Variants in FBXL17 observed in about 807,000 individuals in gnomAD.
FBXL17 encodes F-box/LRR-repeat protein 17.
In FBXL17, 22 loss-of-function variants were observed where a neutral mutation model predicts 66.2. The observed-to-expected ratio is 0.33, with a 90% CI of 0.24 to 0.47. The LOEUF (loss-of-function observed/expected upper bound fraction) is 0.47, where lower values mean the gene tolerates loss of function less well. Ranked by LOEUF, FBXL17 falls within the 20% of genes least tolerant of loss-of-function variation. The pLI is 1.00. For synonymous variants in FBXL17, 474 were observed against 400.5 expected (o/e 1.18, Z -2.19); for missense variants, 878 against 948.2 (o/e 0.93, Z 0.97).
intron 6 of FBXL17, among the ~76,000 whole-genome samples, chr5:108,180,381 C>T (rs1248899917): frequency 1.3e-5 from 2 of 151,954 alleles, no homozygotes; most frequent in East Asian, 3.9e-4. Context: ...CATGGTGGGG[C>T]TGTAAACCCA....
chr5:107,923,974 G>A (rs976316007), intron 7 of FBXL17, among the ~76,000 whole-genome samples: 1 of 151,788 alleles, frequency 6.6e-6, no homozygotes, highest in African/African-American at 2.4e-5. Context: ...TGAAGTGATG[G>A]CAATGTGGGG....
intron 7 of FBXL17, among the ~76,000 whole-genome samples, chr5:107,949,454 A>C (rs1751428163): frequency 6.6e-6 from 1 of 152,228 alleles, no homozygotes; most frequent in African/African-American, 2.4e-5. Flanking sequence ...AATATTTGAA[A>C]AATCTTTTTA....
Position 108,150,009 on chromosome 5 carries a change from A to G in FBXL17, c.1745+36108T>C, listed in dbSNP as rs148334043. The stretch of plus-strand genomic sequence containing the variant: ...AAAAGAAAGAGTAGAATGTACACCC[A>G]TGAATGTTTCACTCAGATTTATCAA... On this transcript the variant is annotated intron_variant, in intron 6 of 8. Coordinates refer to ENST00000542267, the MANE Select transcript of FBXL17 (RefSeq NM_001163315.3). 9.9e-5 allele frequency among the ~76,000 whole-genome samples: 15 copies of G among 152,284 alleles called. No homozygotes were observed. In the East Asian group the frequency reaches 2.7e-3, roughly 27 times the overall value.
At chr5:108,103,922 C>T (rs996528347) in intron 6 of FBXL17, among the ~76,000 whole-genome samples, 3 of 152,280 alleles carry the variant, frequency 2.0e-5, no homozygotes, top group East Asian at 1.9e-4. Context: ...CCCCTCTACC[C>T]GCTATCCTTT....
chr5:108,075,969 T>C (rs1176992397), intron 6 of FBXL17, among the ~76,000 whole-genome samples: 1 of 152,220 alleles, frequency 6.6e-6, no homozygotes, highest in African/African-American at 2.4e-5. Flanking sequence ...AAAGAAATGA[T>C]CCCAAATGTT....
intron 1 of FBXL17, among the ~76,000 whole-genome samples, chr5:108,377,649 G>T (rs1197103143): frequency 6.6e-6 from 1 of 152,228 alleles, no homozygotes; most frequent in East Asian, 1.9e-4. Context: ...GATTTCCAGA[G>T]TTCAAATAGT....
chr5:108,268,476 A>G (rs1402811854), intron 4 of FBXL17, among the ~76,000 whole-genome samples: 1 of 152,018 alleles, frequency 6.6e-6, no homozygotes, highest in Admixed American at 6.6e-5. Flanking sequence ...ATAAATTCTC[A>G]TGTTTTTCTT....
intron 4 of FBXL17, among the ~76,000 whole-genome samples, chr5:108,239,019 A>T (rs976923461): frequency 2.0e-5 from 3 of 152,164 alleles, no homozygotes; most frequent in African/African-American, 7.2e-5. Flanking sequence ...AAATCATGAG[A>T]AAACAAAATT....
chr5:108,088,620 A>C (rs922754172), intron 6 of FBXL17, among the ~76,000 whole-genome samples: 10 of 146,966 alleles, frequency 6.8e-5, no homozygotes, highest in African/African-American at 2.3e-4. Context: ...AGAATCGCTT[A>C]AACTTGGGAG....
intron 4 of FBXL17, among the ~76,000 whole-genome samples, chr5:108,282,342 G>T (rs1274296887): frequency 6.6e-6 from 1 of 151,776 alleles, no homozygotes; most frequent in Non-Finnish European, 1.5e-5. Flanking sequence ...AATGTATCAG[G>T]TATGCAAGGA....
At chr5:107,996,018 T>C (rs950953718) in intron 7 of FBXL17, among the ~76,000 whole-genome samples, 1 of 150,592 alleles carries the variant, frequency 6.6e-6, no homozygotes, top group Non-Finnish European at 1.5e-5. Flanking sequence ...CAGCTATATG[T>C]TCAGGCAGAA....
chr5:108,020,819 G>A (rs997412873), intron 7 of FBXL17, 106 bp downstream of exon 7: 28 of 775,320 alleles, frequency 3.6e-5, no homozygotes, highest in Admixed American at 2.7e-4. Context: ...CATAAGTGAC[G>A]ATAGACAGTC....
chr5:107,890,492 T>C (rs1460318547), intron 7 of FBXL17, among the ~76,000 whole-genome samples: 3 of 151,520 alleles, frequency 2.0e-5, no homozygotes, highest in Non-Finnish European at 2.9e-5. Context: ...CAAAACTTCA[T>C]CTCTACAAAA....
chr5:108,121,281 T>C (rs896731555), intron 6 of FBXL17, among the ~76,000 whole-genome samples: 1 of 151,798 alleles, frequency 6.6e-6, no homozygotes, highest in African/African-American at 2.4e-5. Context: ...TGAGCAGAGA[T>C]CATGCCACTG....
At chr5:108,367,718 T>C in intron 2 of FBXL17, 113 bp downstream of exon 2, 1 of 889,512 alleles carries the variant, frequency 1.1e-6, no homozygotes, top group Non-Finnish European at 1.6e-6. Context: ...AATTGTAGAT[T>C]ACAGTGATTT....
intron 7 of FBXL17, among the ~76,000 whole-genome samples, chr5:107,953,100 TAAAAAAA>T (rs33992401): frequency 6.0e-4 from 91 of 151,398 alleles, no homozygotes; most frequent in African/African-American, 2.1e-3. Context: ...TTTCATACTT[TAAAAAAA>T]AAAGGCAGAT....
intron 4 of FBXL17, among the ~76,000 whole-genome samples, chr5:108,245,094 T>C (rs1756033965): frequency 6.6e-6 from 1 of 152,126 alleles, no homozygotes; most frequent in African/African-American, 2.4e-5. Context: ...CACTAAGGTA[T>C]TTAACTCATA....
chr5:108,002,852 C>T (rs1753789685), intron 7 of FBXL17, among the ~76,000 whole-genome samples: 1 of 152,074 alleles, frequency 6.6e-6, no homozygotes, highest in Non-Finnish European at 1.5e-5. Context: ...ACAAAATGTT[C>T]AGAAAAGACT....
intron 7 of FBXL17, among the ~76,000 whole-genome samples, chr5:107,981,970 T>C (rs981211932): frequency 6.6e-6 from 1 of 152,312 alleles, no homozygotes; most frequent in Admixed American, 6.5e-5. Context: ...CTAAGGCTGA[T>C]TGTGAAAAAT....
Sources: gnomAD v4.1 joint callset for allele counts (sites outside exome capture counted in the v4.1 genomes callset) on GRCh38, gnomAD v4.1.1 for gene constraint, MANE v1.5 for transcripts, NCBI Gene and HGNC (gene_info 2026-07-23, HGNC 2026-07-21) for gene names.